IMMP2L: variants seen among roughly 807,000 people sequenced by gnomAD.
IMMP2L encodes the protein mitochondrial inner membrane protease subunit 2.
In IMMP2L, 18 loss-of-function variants were observed where a neutral mutation model predicts 19.3. The observed-to-expected ratio is 0.93, with a 90% CI of 0.64 to 1.38. IMMP2L has a LOEUF of 1.38. Ranked by LOEUF, IMMP2L falls within the 40% of genes most tolerant of loss-of-function variation. IMMP2L has a pLI of 0.00. For missense variants in IMMP2L, 233 were observed against 218.2 expected (o/e 1.07, Z -0.43); for synonymous variants, 76 against 73.0 (o/e 1.04, Z -0.21).
chr7:111,062,181 G>C (rs536149731), intron 3 of IMMP2L, among the ~76,000 whole-genome samples: 12 of 152,168 alleles, frequency 7.9e-5, no homozygotes, highest in Non-Finnish European at 1.8e-4. Flanking sequence ...GAATTTATTG[G>C]ACTCACAGTT....
At chr7:111,302,608 G>A (rs1422048430) in intron 3 of IMMP2L, among the ~76,000 whole-genome samples, 2 of 151,968 alleles carry the variant, frequency 1.3e-5, no homozygotes, top group Admixed American at 6.6e-5. Flanking sequence ...ATTGAAGCAC[G>A]GAGAGGTTAA....
intron 3 of IMMP2L, among the ~76,000 whole-genome samples, chr7:111,011,277 C>T (rs949293947): frequency 6.6e-6 from 1 of 152,062 alleles, no homozygotes; most frequent in African/African-American, 2.4e-5. Context: ...GAGCAGTATT[C>T]ATTACTATCT....
chr7:111,146,843 G>A (rs923058345), intron 3 of IMMP2L, among the ~76,000 whole-genome samples: 1 of 152,070 alleles, frequency 6.6e-6, no homozygotes, highest in Admixed American at 6.6e-5. Context: ...GGTGCCAGAG[G>A]TAACACTGAG....
chr7:111,387,975 T>TAAAAAAAAAAAAAAAAAAAAAAAAAA (rs750267136), intron 3 of IMMP2L, among the ~76,000 whole-genome samples: 3 of 93,408 alleles, frequency 3.2e-5, no homozygotes, highest in African/African-American at 1.4e-4. Flanking sequence ...ACTCTGTCTT[T>TAAAAAAAAAAAAAAAAAAAAAAAAAA]AAAAAAAAAA....
At chr7:110,987,575 AG>A (rs1399044447) in intron 3 of IMMP2L, among the ~76,000 whole-genome samples, 2 of 152,212 alleles carry the variant, frequency 1.3e-5, no homozygotes, top group Non-Finnish European at 2.9e-5. Context: ...TAGAACCTTA[AG>A]AAGGCTTCTA....
chr7:111,410,280 AC>A (rs1834283124), intron 3 of IMMP2L, among the ~76,000 whole-genome samples: 1 of 151,734 alleles, frequency 6.6e-6, no homozygotes, highest in Non-Finnish European at 1.5e-5. Flanking sequence ...TCTAAAGATT[AC>A]CCTAGATCAT....
intron 3 of IMMP2L, among the ~76,000 whole-genome samples, chr7:111,486,108 A>C (rs1267810770): frequency 6.6e-6 from 1 of 152,208 alleles, no homozygotes; most frequent in Non-Finnish European, 1.5e-5. Context: ...AGAGCAGGTT[A>C]ATATTTTTAA....
intron 3 of IMMP2L, among the ~76,000 whole-genome samples, chr7:111,237,122 C>T (rs904256998): frequency 6.6e-6 from 1 of 151,996 alleles, no homozygotes; most frequent in Non-Finnish European, 1.5e-5. Context: ...CTTAAATATC[C>T]TAGTTGATGG....
At chr7:111,263,599 C>G (rs1016260005) in intron 3 of IMMP2L, among the ~76,000 whole-genome samples, 2 of 152,054 alleles carry the variant, frequency 1.3e-5, no homozygotes, top group Admixed American at 1.3e-4. Flanking sequence ...CTGGGATAGA[C>G]AGATAAATTT....
chr7:111,515,877 AACTT>A (rs1845832802), intron 2 of IMMP2L, among the ~76,000 whole-genome samples: 1 of 152,168 alleles, frequency 6.6e-6, no homozygotes, highest in Non-Finnish European at 1.5e-5. Flanking sequence ...AAAATTAAAT[AACTT>A]ACTAAGTACA....
chr7:111,365,818 G>C (rs1247218349), intron 3 of IMMP2L, among the ~76,000 whole-genome samples: 1 of 151,934 alleles, frequency 6.6e-6, no homozygotes, highest in Non-Finnish European at 1.5e-5. Flanking sequence ...CAATTATCCT[G>C]GAGCACCTTG....
At chr7:110,791,386 A>T (rs1800447334) in intron 5 of IMMP2L, among the ~76,000 whole-genome samples, 1 of 151,624 alleles carries the variant, frequency 6.6e-6, no homozygotes, top group South Asian at 2.1e-4. Context: ...TTTGTCACTC[A>T]GTCTCTTTAA....
At chr7:110,704,335 A>T (rs1794498205) in intron 5 of IMMP2L, among the ~76,000 whole-genome samples, 1 of 152,228 alleles carries the variant, frequency 6.6e-6, no homozygotes, top group East Asian at 1.9e-4. Flanking sequence ...TCCCTTAGGA[A>T]TATCACTCCT....
intron 3 of IMMP2L, among the ~76,000 whole-genome samples, chr7:111,036,210 C>G (rs1278733649): frequency 1.3e-5 from 2 of 152,048 alleles, no homozygotes; most frequent in Non-Finnish European, 2.9e-5. Flanking sequence ...ATACCGTTTC[C>G]TTTAAGTGCA....
chr7:110,676,669 A>C (rs1460251512), intron 5 of IMMP2L, among the ~76,000 whole-genome samples: 1 of 152,246 alleles, frequency 6.6e-6, no homozygotes, highest in Non-Finnish European at 1.5e-5. Flanking sequence ...TTCAGAAAAC[A>C]GTATTAAGTA....
intron 4 of IMMP2L, among the ~76,000 whole-genome samples, chr7:110,894,127 C>A (rs1811088518): frequency 6.6e-6 from 1 of 152,156 alleles, no homozygotes; most frequent in Non-Finnish European, 1.5e-5. Flanking sequence ...CTCCTCACCC[C>A]CTCCCCTACA....
chr7:111,536,908 G>A (rs577331818), intron 1 of IMMP2L, among the ~76,000 whole-genome samples: 2 of 152,074 alleles, frequency 1.3e-5, no homozygotes, highest in African/African-American at 4.8e-5. Flanking sequence ...ATTATACAAT[G>A]GTTGTACCCT....
At chr7:111,088,035 C>T (rs1252340274) in intron 3 of IMMP2L, among the ~76,000 whole-genome samples, 1 of 152,256 alleles carries the variant, frequency 6.6e-6, no homozygotes, top group East Asian at 1.9e-4. Context: ...CTCAGAGTCT[C>T]TAGGAAGTGG....
intron 3 of IMMP2L, among the ~76,000 whole-genome samples, chr7:111,042,474 C>G (rs1585914593): frequency 2.0e-5 from 3 of 152,220 alleles, no homozygotes; most frequent in African/African-American, 7.2e-5. Flanking sequence ...AGCCACCAAT[C>G]CCAGCTACCA....
Sources: allele counts gnomAD v4.1 joint callset (sites outside exome capture counted in the v4.1 genomes callset), GRCh38; gene constraint gnomAD v4.1.1; transcripts MANE v1.5; gene names NCBI Gene and HGNC (gene_info 2026-07-23, HGNC 2026-07-21).